The following LUZP2 variants were observed in gnomAD, a reference collection of about 807,000 sequenced individuals.
LUZP2 encodes leucine zipper protein 2.
A neutral mutation model predicts 51.6 loss-of-function variants in LUZP2; 52 were observed. The ratio of observed to expected loss-of-function variants is 1.01; its 90% CI spans 0.81 to 1.27. The LOEUF is 1.27. LUZP2 is among the 50% of genes most tolerant of loss of function. LUZP2 has a pLI of 0.00. For synonymous variants in LUZP2, 154 were observed against 137.3 expected (o/e 1.12, Z -0.85); for missense variants, 436 against 395.4 (o/e 1.10, Z -0.87).
chr11:24,967,625 G>A (rs529719817), intron 7 of LUZP2, among the ~76,000 whole-genome samples: 15 of 151,518 alleles, frequency 9.9e-5, no homozygotes, highest in Admixed American at 2.6e-4. Flanking sequence ...TTAGTATCAC[G>A]TCATATCTAC....
chr11:24,815,896 G>T (rs1850166229), intron 5 of LUZP2, among the ~76,000 whole-genome samples: 1 of 151,984 alleles, frequency 6.6e-6, no homozygotes, highest in Admixed American at 6.6e-5. Context: ...TTTAATCACT[G>T]AAGGAAGTGC....
At chr11:24,915,452 C>A (rs1198199257) in intron 7 of LUZP2, among the ~76,000 whole-genome samples, 1 of 152,042 alleles carries the variant, frequency 6.6e-6, no homozygotes, top group East Asian at 1.9e-4. Context: ...ATTTGTCCTT[C>A]AAGGTCATTA....
At chr11:25,060,979 A>G (rs545546741) in intron 10 of LUZP2, among the ~76,000 whole-genome samples, 15 of 152,288 alleles carry the variant, frequency 9.8e-5, no homozygotes, top group Middle Eastern at 3.4e-3. Flanking sequence ...ATATTCTCCA[A>G]TGTCAAAATT....
intron 1 of LUZP2, among the ~76,000 whole-genome samples, chr11:24,576,192 C>T (rs1393625968): frequency 6.6e-6 from 1 of 151,856 alleles, no homozygotes; most frequent in Non-Finnish European, 1.5e-5. Flanking sequence ...GCAGGTGGAT[C>T]ACGAGGTCAG....
In LUZP2 at chr11:25,033,655, T is replaced by C. The variant is rs142498649; in HGVS notation, c.766-16383T>C. ...GTGTGCTCAGTGGTTAGCTCCTACT[T>C]ATAAGTGAAAACAAGCAGTATTTGG... On this transcript the variant is annotated intron_variant, in intron 9 of 11. Transcript: ENST00000336930. Among the ~76,000 whole-genome samples the C allele has an allele frequency of 1.9e-3, 293 of 152,252 alleles. 3 individuals carry two copies. The highest frequency in any genetic ancestry group is 6.6e-3 in the African/African-American group (276 of 41,560).
At chr11:24,566,905 ATATATATATAT>A (rs780360708) in intron 1 of LUZP2, among the ~76,000 whole-genome samples, 141,744 of 142,536 alleles carry the variant, frequency 0.99, 70,478 homozygotes, top group East Asian at 1. Flanking sequence ...TATATATGTT[ATATATATATAT>A]ATGTATATAT....
chr11:25,055,043 G>A (rs565082143), intron 10 of LUZP2, among the ~76,000 whole-genome samples: 2 of 124,020 alleles, frequency 1.6e-5, no homozygotes, highest in African/African-American at 3.2e-5. Context: ...GCGGAGTCTC[G>A]CTGTGTCACC....
chr11:24,610,838 A>AAG (rs1854094265), intron 1 of LUZP2, among the ~76,000 whole-genome samples: 1 of 152,076 alleles, frequency 6.6e-6, no homozygotes, highest in Non-Finnish European at 1.5e-5. Context: ...CCAGCTACTC[A>AAG]AGAGACTGAG....
At chr11:25,055,696 C>T (rs1858668286) in intron 10 of LUZP2, among the ~76,000 whole-genome samples, 1 of 152,100 alleles carries the variant, frequency 6.6e-6, no homozygotes, top group South Asian at 2.1e-4. Context: ...TTAGAAATAA[C>T]ACTCTGAGGT....
intron 5 of LUZP2, among the ~76,000 whole-genome samples, chr11:24,771,735 A>G (rs929410341): frequency 2.6e-5 from 4 of 152,042 alleles, no homozygotes; most frequent in African/African-American, 4.8e-5. Flanking sequence ...GGCCAGGTGG[A>G]GATAATTGAA....
intron 1 of LUZP2, among the ~76,000 whole-genome samples, chr11:24,561,562 G>T (rs1444105630): frequency 6.6e-6 from 1 of 152,050 alleles, no homozygotes; most frequent in Non-Finnish European, 1.5e-5. Context: ...ACTAACACCA[G>T]AACAGAGAAC....
intron 1 of LUZP2, among the ~76,000 whole-genome samples, chr11:24,664,531 C>G (rs1856146217): frequency 1.3e-5 from 2 of 152,008 alleles, no homozygotes; most frequent in African/African-American, 2.4e-5. Context: ...CATGGCAGCA[C>G]CCTCCTCCCC....
chr11:24,686,212 A>G (rs941461889), intron 1 of LUZP2, among the ~76,000 whole-genome samples: 2 of 96,926 alleles, frequency 2.1e-5, no homozygotes, highest in Non-Finnish European at 4.2e-5. Context: ...TGAAGGAAAA[A>G]GTGAACTCTG....
Position 24,738,230 on chromosome 11 carries a change from G to A in LUZP2, c.261G>A (p.Met87Ile). 6.2e-7 allele frequency: 1 copy of A among 1,605,810 alleles called. No individual in the cohort carries two copies. The highest frequency in any genetic ancestry group is 1.3e-5 in the African/African-American group (1 of 74,716). The change falls in exon 4 of 12, where the codon ATG becomes ATA. Residue 87 changes from methionine to isoleucine, a missense_variant. Met to Ile is a conservative substitution (Grantham distance 10). Coordinates refer to ENST00000336930, the MANE Select transcript of LUZP2 (RefSeq NM_001009909.4). ...TTTTCTACTAAAATAGAGAAGAAAT[G>A]AAGTCTCTTCAGGAGGCCCTGCAAA... ...LELGQKQREE[M>I]KSLQEALQNQ...
chr11:24,648,905 C>A (rs958312676), intron 1 of LUZP2, among the ~76,000 whole-genome samples: 1 of 151,958 alleles, frequency 6.6e-6, no homozygotes, highest in Non-Finnish European at 1.5e-5. Flanking sequence ...CTAATATTTT[C>A]TTTAATGACC....
chr11:24,756,937 G>A (rs1476223989), intron 4 of LUZP2, among the ~76,000 whole-genome samples: 1 of 152,128 alleles, frequency 6.6e-6, no homozygotes, highest in Non-Finnish European at 1.5e-5. Flanking sequence ...TTAGTTTTCT[G>A]GAGTGCCTTA....
chr11:24,576,779 G>A (rs957683229), intron 1 of LUZP2, among the ~76,000 whole-genome samples: 3 of 151,984 alleles, frequency 2.0e-5, no homozygotes, highest in Non-Finnish European at 4.4e-5. Flanking sequence ...TAGAACAGTT[G>A]ATATCAAAGG....
chr11:24,990,800 A>G (rs1371474633), intron 9 of LUZP2, among the ~76,000 whole-genome samples: 2 of 152,002 alleles, frequency 1.3e-5, no homozygotes, highest in African/African-American at 4.8e-5. Context: ...ACATAATTCT[A>G]GCCTTTTTAT....
intron 6 of LUZP2, 49 bp from the exon 7 acceptor site, chr11:24,914,427 T>C: frequency 7.4e-7 from 1 of 1,353,776 alleles, no homozygotes; most frequent in Non-Finnish European, 1.0e-6. Context: ...ATCTTCAAGT[T>C]TGAAAATATA....
Sources: allele counts gnomAD v4.1 joint callset (sites outside exome capture counted in the v4.1 genomes callset), GRCh38; gene constraint gnomAD v4.1.1; transcripts MANE v1.5; gene names NCBI Gene and HGNC (gene_info 2026-07-23, HGNC 2026-07-21).